The following PPFIBP2 variants were observed in gnomAD, a reference collection of about 807,000 sequenced individuals.
PPFIBP2 encodes PPFIB scaffold protein 2.
PPFIBP2 carries 118 observed loss-of-function variants against 118.3 expected under a neutral mutation model. The ratio of observed to expected loss-of-function variants is 1.00; its 90% CI spans 0.86 to 1.16. The LOEUF (loss-of-function observed/expected upper bound fraction) is 1.16, where lower values mean the gene tolerates loss of function less well. PPFIBP2 is among the 50% of genes most tolerant of loss of function. The pLI is 0.00. For synonymous variants in PPFIBP2, 414 were observed against 397.4 expected (o/e 1.04, Z -0.50); for missense variants, 1,195 against 1,073.1 (o/e 1.11, Z -1.59).
intron 5 of PPFIBP2, 109 bp from the exon 6 acceptor site, chr11:7,610,182 G>A (rs955133469): frequency 7.4e-7 from 1 of 1,349,228 alleles, no homozygotes; most frequent in Non-Finnish European, 1.0e-6. Context: ...TCTCAATTCT[G>A]TGTTGTTGAA....
rs956239536 is a variant in PPFIBP2 at position 7,633,299 on chromosome 11, C to T, written c.1136+365C>T. Among the ~76,000 whole-genome samples, 3 of 152,320 alleles carry T rather than the reference C, an allele frequency of 2.0e-5. No homozygotes were observed. In the East Asian group the frequency reaches 5.8e-4, roughly 29 times the overall value. On this transcript the variant is annotated intron_variant, in intron 12 of 23. Transcript: ENST00000299492. Reference sequence around the variant, plus strand: ...CCTCCTGCTCTTAGAGTGAATTTAGCCCTTTGACAGTCGAAGCTTTCTAGG... The same window carrying T: ...CCTCCTGCTCTTAGAGTGAATTTAGTCCTTTGACAGTCGAAGCTTTCTAGG...
chr11:7,614,014 G>A (rs1317701659), intron 6 of PPFIBP2, among the ~76,000 whole-genome samples: 2 of 152,246 alleles, frequency 1.3e-5, no homozygotes, highest in African/African-American at 4.8e-5. Flanking sequence ...CTGGGAGAAA[G>A]GGATTCTGAT....
At chr11:7,576,526 A>C (rs1005219072) in intron 3 of PPFIBP2, 1 of 152,444 alleles carries the variant, frequency 6.6e-6, no homozygotes, top group Non-Finnish European at 1.5e-5. Context: ...GGTCTCCGCC[A>C]GCCTTTCCAA....
In PPFIBP2 at chr11:7,616,586, A is replaced by G. The variant is rs1432588503; in HGVS notation, c.619-4349A>G. Among the ~76,000 whole-genome samples the G allele has an allele frequency of 2.0e-5, 3 of 152,194 alleles. No homozygotes were observed. Among genetic ancestry groups the G allele is most frequent in the Non-Finnish European group, 4.4e-5 (3 of 68,042 alleles). ...GATAATCTTGTAGACAGGATGGAGG[A>G]ATAGAAGATGAATATACTGAAATAG... On this transcript the variant is annotated intron_variant, in intron 6 of 23. Coordinates refer to ENST00000299492, the MANE Select transcript of PPFIBP2 (RefSeq NM_003621.5). This position sits in a 1 kb window ranked among gnomAD's most constrained non-coding sequence, Gnocchi z 5.2.
At chr11:7,575,031 AC>A (rs1856117567) in intron 3 of PPFIBP2, among the ~76,000 whole-genome samples, 1 of 151,466 alleles carries the variant, frequency 6.6e-6, no homozygotes, top group South Asian at 2.1e-4. Flanking sequence ...TTTGTTCATC[AC>A]ACATTGAGTT....
intron 1 of PPFIBP2, among the ~76,000 whole-genome samples, chr11:7,532,813 C>T (rs1208528245): frequency 6.6e-6 from 1 of 152,216 alleles, no homozygotes; most frequent in East Asian, 1.9e-4. Context: ...AGGGGAAAAG[C>T]ATTGCATTGA....
rs755874148 is a variant in PPFIBP2, at chr11:7,650,978, C to G, written c.2247+13C>G. The stretch of plus-strand genomic sequence containing the variant: ...TGGAGGCCTCATTGTGAGTGGCTCT[C>G]TGGCCTAGCCCACCTGCCTTGGTGC... On this transcript the variant is annotated intron_variant, in intron 22 of 23. Transcript: ENST00000299492. 7.4e-6 allele frequency: 12 copies of G among 1,610,966 alleles called. No homozygotes were observed. The highest frequency in any genetic ancestry group is 1.0e-5 in the Non-Finnish European group (12 of 1,177,816).
At chr11:7,618,840 C>T (rs1297926681) in intron 6 of PPFIBP2, among the ~76,000 whole-genome samples, 1 of 150,764 alleles carries the variant, frequency 6.6e-6, no homozygotes, top group East Asian at 1.9e-4. Flanking sequence ...CCTCGGCTTC[C>T]CAAAGTGCTG....
At chr11:7,661,659 T>C (rs1298649888), downstream of PPFIBP2, among the ~76,000 whole-genome samples, 2 of 97,854 alleles carry the variant, frequency 2.0e-5, no homozygotes, top group African/African-American at 6.4e-5. Flanking sequence ...AGATGTCTAT[T>C]AGGTCCACTT....
downstream of PPFIBP2, among the ~76,000 whole-genome samples, chr11:7,661,155 T>C (rs1031613636): frequency 6.6e-6 from 1 of 151,448 alleles, no homozygotes; most frequent in African/African-American, 2.4e-5. Context: ...CCTTCAGTTC[T>C]GCTCTGATTT....
chr11:7,559,317 T>G (rs1016586789), intron 2 of PPFIBP2, among the ~76,000 whole-genome samples: 4 of 152,292 alleles, frequency 2.6e-5, no homozygotes, highest in Non-Finnish European at 4.4e-5. Context: ...CACACATTTT[T>G]TTTATTTGTT....
At chr11:7,519,268 G>A (rs1008478371) in intron 1 of PPFIBP2, among the ~76,000 whole-genome samples, 10 of 152,118 alleles carry the variant, frequency 6.6e-5, no homozygotes, top group Admixed American at 2.0e-4. Flanking sequence ...TGGATCTAAC[G>A]GGGAAAAAGA....
intron 11 of PPFIBP2, 34 bp downstream of exon 11, chr11:7,631,062 G>A (rs745411766): frequency 4.5e-6 from 7 of 1,549,522 alleles, no homozygotes; most frequent in Middle Eastern, 1.7e-4. Flanking sequence ...TAGGGTTTCA[G>A]CAGGTCCTCC....
At chr11:7,600,279 A>G (rs1392189484) in intron 5 of PPFIBP2, among the ~76,000 whole-genome samples, 2 of 152,222 alleles carry the variant, frequency 1.3e-5, no homozygotes, top group Non-Finnish European at 2.9e-5. Context: ...CCAGAGCTTG[A>G]GATCTTTTGA....
chr11:7,582,545 A>G (rs1056899733), intron 3 of PPFIBP2, among the ~76,000 whole-genome samples: 4 of 152,162 alleles, frequency 2.6e-5, no homozygotes, highest in Non-Finnish European at 4.4e-5. Context: ...TGTGGGCACT[A>G]CAGAGCAGCA....
chr11:7,577,452 G>C (rs879717578), intron 3 of PPFIBP2: 3 of 417,526 alleles, frequency 7.2e-6, no homozygotes, highest in African/African-American at 2.0e-5. Context: ...CGCAGGCCAG[G>C]GAAGTGGGGA....
chr11:7,639,712 T>C lies in PPFIBP2; in HGVS notation c.1237-20T>C, dbSNP rs1293072089. 1.2e-6 allele frequency: 2 copies of C among 1,613,880 alleles called. No homozygotes were observed. Among genetic ancestry groups the C allele is most frequent in the East Asian group, 2.2e-5 (1 of 44,870 alleles). ...TGACAGTTAAGTCGGTATCTCTCTC[T>C]TTCTCTCACCTTCCAATAGGACAGC... On this transcript the variant is annotated intron_variant, in intron 14 of 23. Coordinates refer to ENST00000299492, the MANE Select transcript of PPFIBP2 (RefSeq NM_003621.5).
chr11:7,636,058 A>T (rs1202356848), intron 14 of PPFIBP2, among the ~76,000 whole-genome samples: 1 of 152,206 alleles, frequency 6.6e-6, no homozygotes, highest in African/African-American at 2.4e-5. Context: ...GTGGAAGAGG[A>T]TTAAGTTTTT....
At chr11:7,654,128 ACTCT>A (rs937999347), downstream of PPFIBP2, among the ~76,000 whole-genome samples, 1 of 151,816 alleles carries the variant, frequency 6.6e-6, no homozygotes, top group African/African-American at 2.4e-5. Context: ...TGCTGGAAAG[ACTCT>A]CTTTCATGTG....
Sources: allele counts gnomAD v4.1 joint callset (sites outside exome capture counted in the v4.1 genomes callset), GRCh38; gene constraint gnomAD v4.1.1; non-coding constraint Gnocchi (gnomAD v3.1); transcripts MANE v1.5; gene names NCBI Gene and HGNC (gene_info 2026-07-23, HGNC 2026-07-21).